PCP4L1: variants seen among roughly 807,000 people sequenced by gnomAD.
PCP4L1 encodes Purkinje cell protein 4-like protein 1.
A neutral mutation model predicts 9.6 loss-of-function variants in PCP4L1; 9 were observed. That is an observed-to-expected ratio of 0.94 (90% CI 0.57 to 1.64). PCP4L1 has a LOEUF of 1.64. Among genes scored for constraint, PCP4L1 ranks in the 40% most tolerant of loss-of-function variants. PCP4L1 has a pLI of 0.00. For synonymous variants in PCP4L1, 31 were observed against 28.2 expected (o/e 1.10, Z -0.31); for missense variants, 81 against 80.8 (o/e 1.00, Z -0.01).
At chr1:161,279,472 T>A (rs150164370) in intron 1 of PCP4L1, among the ~76,000 whole-genome samples, 1 of 152,350 alleles carries the variant, frequency 6.6e-6, no homozygotes, top group African/African-American at 2.4e-5. Context: ...AAGTGCTTGA[T>A]AAGTATTTAT....
chr1:161,276,185 G>C (rs1408648659), intron 1 of PCP4L1, among the ~76,000 whole-genome samples: 1 of 152,082 alleles, frequency 6.6e-6, no homozygotes, highest in African/African-American at 2.4e-5. Context: ...ACATTTTATC[G>C]ATTATGTGCA....
chr1:161,259,130 TC>T, intron 1 of PCP4L1, 147 bp downstream of exon 1: 2 of 1,226,746 alleles, frequency 1.6e-6, no homozygotes, highest in Non-Finnish European at 2.2e-6. Flanking sequence ...CTAGGAAAGC[TC>T]CCACCTCGGG....
At chr1:161,260,525 C>T (rs1669399440) in intron 1 of PCP4L1, among the ~76,000 whole-genome samples, 1 of 152,178 alleles carries the variant, frequency 6.6e-6, no homozygotes, top group Non-Finnish European at 1.5e-5. Flanking sequence ...CAAGCCATCC[C>T]CTGGGAGTTT....
intron 1 of PCP4L1, among the ~76,000 whole-genome samples, chr1:161,272,918 G>A (rs1205559182): frequency 6.6e-6 from 1 of 152,074 alleles, no homozygotes; most frequent in Non-Finnish European, 1.5e-5. Context: ...CTCTTTCCTG[G>A]AAGTGGGAGG....
intron 1 of PCP4L1, among the ~76,000 whole-genome samples, chr1:161,263,780 C>T (rs1041397755): frequency 6.6e-6 from 1 of 151,008 alleles, no homozygotes; most frequent in Non-Finnish European, 1.5e-5. Context: ...AGACAGGTTT[C>T]ACCACGTTGC....
intron 1 of PCP4L1, 93 bp from the exon 2 acceptor site, chr1:161,283,575 G>A (rs1669857792): frequency 1.3e-5 from 15 of 1,159,754 alleles, no homozygotes; most frequent in Non-Finnish European, 1.5e-5. Flanking sequence ...CCTGGTAATA[G>A]GGTTTGAGAG....
chr1:161,261,182 A>G (rs1297645060), intron 1 of PCP4L1, among the ~76,000 whole-genome samples: 1 of 151,992 alleles, frequency 6.6e-6, no homozygotes, highest in Non-Finnish European at 1.5e-5. Context: ...ACCTCCCCCA[A>G]CTGCTTATTT....
At chr1:161,259,061 A>C in intron 1 of PCP4L1, 78 bp downstream of exon 1, 1 of 1,507,504 alleles carries the variant, frequency 6.6e-7, no homozygotes, top group Non-Finnish European at 8.8e-7. Flanking sequence ...CAGGGAGGCG[A>C]GGGAGAGCGA....
intron 1 of PCP4L1, among the ~76,000 whole-genome samples, chr1:161,271,324 G>A (rs1669622003): frequency 6.6e-6 from 1 of 152,068 alleles, no homozygotes; most frequent in African/African-American, 2.4e-5. Flanking sequence ...ATCTTTTCAT[G>A]TGCGTGTCAT....
chr1:161,259,171 C>T (rs1046887932), intron 1 of PCP4L1, among the ~76,000 whole-genome samples, 188 bp downstream of exon 1: 1 of 152,284 alleles, frequency 6.6e-6, no homozygotes, highest in Admixed American at 6.5e-5. Flanking sequence ...AGACGGGGTG[C>T]TTTCAGTCTC....
At chr1:161,262,787 A>T (rs1016328986) in intron 1 of PCP4L1, among the ~76,000 whole-genome samples, 6 of 152,234 alleles carry the variant, frequency 3.9e-5, no homozygotes, top group Admixed American at 3.9e-4. Flanking sequence ...TGGTGGAGAT[A>T]GAGTTGCAGG....
chr1:161,260,768 T>C (rs886610117), intron 1 of PCP4L1, among the ~76,000 whole-genome samples: 1 of 152,176 alleles, frequency 6.6e-6, no homozygotes, highest in Admixed American at 6.5e-5. Context: ...AGGGGCTCAG[T>C]AGAATGATGA....
At chr1:161,266,979 A>G (rs992658980) in intron 1 of PCP4L1, among the ~76,000 whole-genome samples, 2 of 152,128 alleles carry the variant, frequency 1.3e-5, no homozygotes, top group African/African-American at 4.8e-5. Flanking sequence ...AAGGGATAAA[A>G]GGGTCCCAGG....
intron 1 of PCP4L1, among the ~76,000 whole-genome samples, chr1:161,262,175 G>A (rs187155900): frequency 1.3e-4 from 20 of 152,050 alleles, no homozygotes; most frequent in African/African-American, 4.1e-4. Context: ...TGGCTCACGC[G>A]TGTAATCCCA....
Position 161,268,181 on chromosome 1 carries a change from G to A in PCP4L1, c.9+9198G>A, listed in dbSNP as rs189483744. Among the ~76,000 whole-genome samples, 133 of 152,164 alleles carry A rather than the reference G, an allele frequency of 8.7e-4. 2 individuals carry two copies. The East Asian group carries it at 0.023, about 26-fold the overall frequency. On this transcript the variant is annotated intron_variant, in intron 1 of 2. Coordinates refer to ENST00000504449, the MANE Select transcript of PCP4L1 (RefSeq NM_001102566.2). ...AAAGAGATGTCTCAGGGTTCCCAGA[G>A]GTTTAGAGCCATTCTCAGCACTTTT...
chr1:161,282,230 T>G (rs1669833466), intron 1 of PCP4L1, among the ~76,000 whole-genome samples: 1 of 148,466 alleles, frequency 6.7e-6, no homozygotes, highest in Non-Finnish European at 1.5e-5. Context: ...ACCAAAAAAA[T>G]ACGAAAACCA....
Position 161,284,188 on chromosome 1 carries a change from G to A in PCP4L1, c.65-151G>A, listed in dbSNP as rs1669867656. On this transcript the variant is annotated intron_variant, in intron 2 of 2. Transcript: ENST00000504449. ...AAGTACCTTGACTCAGACTTCTAGG[G>A]GAATTATCAGGCATTCATAATCCTA... The A allele has an allele frequency of 4.4e-6, 4 of 908,876 alleles. No individual in the cohort carries two copies. The South Asian group carries it at 7.2e-5, about 16-fold the overall frequency. 56.3% of individuals were successfully genotyped at this position (908,876 alleles called of 1,614,324 possible).
chr1:161,281,496 C>T (rs1425214312), intron 1 of PCP4L1, among the ~76,000 whole-genome samples: 10 of 147,600 alleles, frequency 6.8e-5, no homozygotes, highest in Admixed American at 6.7e-4. Context: ...CCGGACTGGG[C>T]GGCTGGCCGG....
rs764520279 is a variant in PCP4L1 at position 161,283,653 on chromosome 1, T to A, written c.10-15T>A. On this transcript the variant is annotated splice_polypyrimidine_tract_variant and intron_variant, in intron 1 of 2. Transcript: ENST00000504449. Reference sequence around the variant, plus strand: ...ATGAATATCTAATATTCTGATATCCTAATATTTTTTCCAGCTTAATACCAA... The same window carrying A: ...ATGAATATCTAATATTCTGATATCCAAATATTTTTTCCAGCTTAATACCAA... The A allele has an allele frequency of 2.5e-6, 4 of 1,581,804 alleles. No individual in the cohort carries two copies. Among genetic ancestry groups the A allele is most frequent in the South Asian group, 1.2e-5 (1 of 86,718 alleles).
Sources: gnomAD v4.1 joint callset for allele counts (sites outside exome capture counted in the v4.1 genomes callset) on GRCh38, gnomAD v4.1.1 for gene constraint, MANE v1.5 for transcripts, NCBI Gene and HGNC (gene_info 2026-07-23, HGNC 2026-07-21) for gene names.